The following SPATA6 variants were observed in gnomAD, a reference collection of about 807,000 sequenced individuals.
The protein encoded by SPATA6 is spermatogenesis associated 6, also known as spermatogenesis-associated protein 6.
A neutral mutation model predicts 65.3 loss-of-function variants in SPATA6; 56 were observed. The ratio of observed to expected loss-of-function variants is 0.86; its 90% CI spans 0.69 to 1.07. SPATA6 has a LOEUF of 1.07. Ranked by LOEUF, SPATA6 falls within the 50% of genes least tolerant of loss-of-function variation. SPATA6 has a pLI of 0.00. For synonymous variants in SPATA6, 199 were observed against 213.2 expected (o/e 0.93, Z 0.58); for missense variants, 590 against 594.8 (o/e 0.99, Z 0.08).
At position 48,472,021 on chromosome 1, in the gene SPATA6, G is replaced by T; in HGVS notation, c.-13C>A. 6.5e-7 allele frequency: 1 copy of T among 1,532,354 alleles called. No homozygotes were observed. Among genetic ancestry groups the T allele is most frequent in the Non-Finnish European group, 8.7e-7 (1 of 1,143,938 alleles). 94.9% of individuals were successfully genotyped at this position (1,532,354 alleles called of 1,614,324 possible). On this transcript the variant is annotated 5_prime_UTR_variant, in exon 1 of 13. Transcript: ENST00000371847. Reference sequence around the variant, plus strand: ...TCACCTTCGGCATCCGTGCGGGGAGGGGCGGCGGGGAGTGACCCCGGCCAC... The same window carrying T: ...TCACCTTCGGCATCCGTGCGGGGAGTGGCGGCGGGGAGTGACCCCGGCCAC...
the SPATA6 span, among the ~76,000 whole-genome samples, chr1:48,267,683 T>C: frequency 6.6e-6 from 1 of 151,604 alleles, no homozygotes; most frequent in Non-Finnish European, 1.5e-5. Flanking sequence ...TCCAGCCGCC[T>C]GTGTGTGTTC....
At chr1:48,324,662 C>T (rs563204208) in intron 11 of SPATA6, among the ~76,000 whole-genome samples, 1 of 151,956 alleles carries the variant, frequency 6.6e-6, no homozygotes, top group African/African-American at 2.4e-5. Context: ...AATAAAAACT[C>T]TCAAAAAAAC....
intron 11 of SPATA6, among the ~76,000 whole-genome samples, chr1:48,333,599 G>A (rs1645976535): frequency 6.6e-6 from 1 of 152,176 alleles, no homozygotes; most frequent in African/African-American, 2.4e-5. Flanking sequence ...TGAAACTAAT[G>A]AGAACGAAGA....
chr1:48,466,448 T>C (rs1456253508), intron 1 of SPATA6, among the ~76,000 whole-genome samples: 1 of 152,040 alleles, frequency 6.6e-6, no homozygotes, highest in South Asian at 2.1e-4. Flanking sequence ...TAGTAATAAG[T>C]ACAAAAATCT....
At chr1:48,466,042 A>C (rs1239224994) in intron 1 of SPATA6, among the ~76,000 whole-genome samples, 16 of 152,074 alleles carry the variant, frequency 1.1e-4, no homozygotes. Context: ...CTCCCCAACC[A>C]CTGTGACAAA....
In SPATA6 at chr1:48,363,176, C is replaced by G. The variant is rs556549196; in HGVS notation, c.910-3406G>C. Among the ~76,000 whole-genome samples the G allele has an allele frequency of 5.9e-5, 9 of 152,100 alleles. 1 individual carries two copies. The South Asian group carries it at 1.9e-3, about 32-fold the overall frequency. On this transcript the variant is annotated intron_variant, in intron 9 of 12. Coordinates refer to ENST00000371847, the MANE Select transcript of SPATA6 (RefSeq NM_019073.4). The stretch of plus-strand genomic sequence containing the variant: ...AGTCTTTTATCAAAATAAGGGGTTA[C>G]GAGGTAAAACGAAAGGGTACGTCTC...
chr1:48,342,745 AG>A (rs1236470832), intron 11 of SPATA6, among the ~76,000 whole-genome samples: 13 of 152,160 alleles, frequency 8.5e-5, no homozygotes, highest in African/African-American at 2.9e-4. Context: ...AGACAATTCT[AG>A]GGTGCTAGTA....
At chr1:48,261,619 G>T in the SPATA6 span, among the ~76,000 whole-genome samples, 1 of 152,028 alleles carries the variant, frequency 6.6e-6, no homozygotes, top group African/African-American at 2.4e-5. Flanking sequence ...CCACTCGCGT[G>T]AGTCAGACCA....
chr1:48,325,083 T>C, intron 11 of SPATA6: 1 of 398,948 alleles, frequency 2.5e-6, no homozygotes, highest in Admixed American at 3.2e-5. Flanking sequence ...AAATATCATA[T>C]CAGTAAGGAA....
In SPATA6 at chr1:48,298,581, T is replaced by G; in HGVS notation, c.*132A>C. On this transcript the variant is annotated 3_prime_UTR_variant, in exon 13 of 13. Transcript: ENST00000371847. ...TAATTTACCATTTGAAGTAATGAAC[T>G]TATTCAAGTATAACTATTGTACTTA... 1.3e-6 allele frequency: 1 copy of G among 794,504 alleles called. No homozygotes were observed. Among genetic ancestry groups the G allele is most frequent in the Non-Finnish European group, 1.9e-6 (1 of 521,364 alleles). 49.2% of individuals were successfully genotyped at this position (794,504 alleles called of 1,614,324 possible).
intron 3 of SPATA6, among the ~76,000 whole-genome samples, chr1:48,438,735 G>A (rs994200761): frequency 1.3e-5 from 2 of 151,938 alleles, no homozygotes; most frequent in South Asian, 2.1e-4. Context: ...GACTAGTCCC[G>A]CTTCTAAAAA....
chr1:48,264,667 T>C, the SPATA6 span, among the ~76,000 whole-genome samples: 1 of 152,170 alleles, frequency 6.6e-6, no homozygotes. Context: ...TGGTTTCCAG[T>C]TTCATCCATG....
chr1:48,398,242 C>T (rs756489723), intron 7 of SPATA6, among the ~76,000 whole-genome samples: 2 of 150,206 alleles, frequency 1.3e-5, no homozygotes, highest in Non-Finnish European at 3.0e-5. Context: ...TTAAAAGTAT[C>T]CATTATACTA....
At chr1:48,457,509 A>C (rs1395187190) in intron 1 of SPATA6, among the ~76,000 whole-genome samples, 1 of 152,232 alleles carries the variant, frequency 6.6e-6, no homozygotes, top group East Asian at 1.9e-4. Flanking sequence ...GCAAGATAGA[A>C]GTGATTCAGC....
chr1:48,337,258 C>T (rs1239022320), intron 11 of SPATA6, among the ~76,000 whole-genome samples: 4 of 151,514 alleles, frequency 2.6e-5, no homozygotes, highest in Non-Finnish European at 5.9e-5. Context: ...AAGTGATTTG[C>T]TATATTAAAA....
At chr1:48,287,794 T>C in the SPATA6 span, among the ~76,000 whole-genome samples, 1 of 152,242 alleles carries the variant, frequency 6.6e-6, no homozygotes, top group Non-Finnish European at 1.5e-5. Context: ...TATTTCTTTA[T>C]AACAATGCAA....
At chr1:48,439,794 T>C (rs1655295568) in intron 3 of SPATA6, among the ~76,000 whole-genome samples, 1 of 152,210 alleles carries the variant, frequency 6.6e-6, no homozygotes, top group African/African-American at 2.4e-5. Flanking sequence ...GGGACCAATT[T>C]GACCCGCAAA....
At chr1:48,301,861 A>G (rs1644947608) in intron 12 of SPATA6, among the ~76,000 whole-genome samples, 2 of 152,266 alleles carry the variant, frequency 1.3e-5, no homozygotes, top group South Asian at 4.1e-4. Flanking sequence ...ATATCTCACC[A>G]TATACAAACA....
chr1:48,371,885 G>C (rs146509500), intron 9 of SPATA6, among the ~76,000 whole-genome samples: 1 of 151,948 alleles, frequency 6.6e-6, no homozygotes, highest in Non-Finnish European at 1.5e-5. Context: ...AGAAACCCCT[G>C]ATAAACCCAA....
Sources: gnomAD v4.1 joint callset for allele counts (sites outside exome capture counted in the v4.1 genomes callset) on GRCh38, gnomAD v4.1.1 for gene constraint, MANE v1.5 for transcripts, NCBI Gene and HGNC (gene_info 2026-07-23, HGNC 2026-07-21) for gene names.